TMPRSS13: variants seen among roughly 807,000 people sequenced by gnomAD.
The protein encoded by TMPRSS13 is transmembrane serine protease 13, also known as transmembrane protease serine 13.
In TMPRSS13, 50 loss-of-function variants were observed where a neutral mutation model predicts 68.4. That is an observed-to-expected ratio of 0.73 (90% CI 0.58 to 0.93). TMPRSS13 has a LOEUF of 0.93. Among genes scored for constraint, TMPRSS13 ranks in the 40% least tolerant of loss-of-function variants. The probability of loss-of-function intolerance (pLI) is 0.00; values close to 1 mark genes in which losing one functional copy is unlikely to be tolerated. For synonymous variants in TMPRSS13, 267 were observed against 285.8 expected (o/e 0.93, Z 0.66); for missense variants, 615 against 729.2 (o/e 0.84, Z 1.80).
chr11:117,919,540 G>A (rs931668725), intron 1 of TMPRSS13, among the ~76,000 whole-genome samples: 2 of 152,230 alleles, frequency 1.3e-5, no homozygotes, highest in East Asian at 3.9e-4. Context: ...TCCTGGCACT[G>A]TGGCACCTTC....
In TMPRSS13 at chr11:117,902,063, C is replaced by T; in HGVS notation, c.*176G>A. 2.9e-6 allele frequency: 2 copies of T among 681,742 alleles called. No individual in the cohort carries two copies. The highest frequency in any genetic ancestry group is 5.0e-6 in the Non-Finnish European group (2 of 403,210). 42.2% of individuals were successfully genotyped at this position (681,742 alleles called of 1,614,324 possible). A position where few individuals can be genotyped will look rare whatever the true frequency, so the allele number is the denominator to read the frequency against. On this transcript the variant is annotated 3_prime_UTR_variant, in exon 13 of 13. Transcript: ENST00000524993. ...TGAAAAACTTGGGAGAGTGGCAATG[C>T]ACACATATGCACACACACACACACA...
intron 1 of TMPRSS13, among the ~76,000 whole-genome samples, chr11:117,924,536 C>T (rs2057683347): frequency 6.6e-6 from 1 of 152,184 alleles, no homozygotes; most frequent in South Asian, 2.1e-4. Flanking sequence ...AAAAACCCCT[C>T]ACTAAACCCT....
At chr11:117,924,235 G>A (rs1232161886) in intron 1 of TMPRSS13, among the ~76,000 whole-genome samples, 1 of 50,246 alleles carries the variant, frequency 2.0e-5, no homozygotes, top group Admixed American at 2.3e-4. Context: ...CTATTGTTGA[G>A]GCGATGAAGG....
In TMPRSS13 at chr11:117,918,745, C is replaced by A. The variant is rs200462399; in HGVS notation, c.115G>T (p.Ala39Ser). 1.2e-6 allele frequency: 2 copies of A among 1,611,276 alleles called. No homozygotes were observed. The highest frequency in any genetic ancestry group is 8.5e-7 in the Non-Finnish European group (1 of 1,179,348). The change falls in exon 2 of 13, where the codon GCA (alanine) becomes TCA (serine). Residue 39 changes from alanine (A) to serine (S), a missense_variant. By Grantham distance (99) the Ala-to-Ser change is moderately conservative. Transcript: ENST00000524993. Reference sequence around the variant, plus strand: ...GCTGGAGATGCCTGGGCTGGAGATGCCTGGGCTGGAGATGCCCGGCCTGGA... The same window carrying A: ...GCTGGAGATGCCTGGGCTGGAGATGACTGGGCTGGAGATGCCCGGCCTGGA... ...TPPGRASPAQ[A>S]SPAQASPAGT... is the part of the protein sequence containing the mutation.
intron 1 of TMPRSS13, among the ~76,000 whole-genome samples, chr11:117,928,400 C>T (rs548330582): frequency 1.3e-5 from 2 of 152,308 alleles, no homozygotes; most frequent in Non-Finnish European, 2.9e-5. Context: ...GAATGGACCA[C>T]AAGCCAACTA....
chr11:117,903,683 A>C lies in TMPRSS13; in HGVS notation c.1649T>G (p.Val550Gly). 1 of 1,614,122 alleles carries C rather than the reference A, an allele frequency of 6.2e-7. No individual in the cohort carries two copies. The highest frequency in any genetic ancestry group is 8.5e-7 in the Non-Finnish European group (1 of 1,180,006). The change falls in exon 12 of 13, where the codon GTT (valine) becomes GGT (glycine). Residue 550 changes from valine (V) to glycine (G), a missense_variant. By Grantham distance (109) the Val-to-Gly change is moderately radical. Coordinates refer to ENST00000524993, the MANE Select transcript of TMPRSS13 (RefSeq NM_001077263.3). ...KPGVYTKVTE[V>G]LPWIYSKMES... is the part of the protein sequence containing the mutation. ...CATCTTGCTGTAAATCCAGGGAAGA[A>C]CTTCTGTCACTTTGGTGTACACACC...
intron 5 of TMPRSS13, among the ~76,000 whole-genome samples, chr11:117,912,575 T>C (rs1489742434): frequency 2.0e-5 from 3 of 152,238 alleles, no homozygotes; most frequent in African/African-American, 7.2e-5. Context: ...TTCTAGAACA[T>C]GGTACACCCC....
chr11:117,918,164 A>T (rs56703391), intron 2 of TMPRSS13, among the ~76,000 whole-genome samples: 33,923 of 151,968 alleles, frequency 0.22, 4,037 homozygotes, highest in African/African-American at 0.3. Context: ...CAGGGTGACA[A>T]GCTGCTTTGT....
At chr11:117,927,957 C>G (rs1283238333) in intron 1 of TMPRSS13, among the ~76,000 whole-genome samples, 4 of 152,236 alleles carry the variant, frequency 2.6e-5, no homozygotes, top group African/African-American at 9.6e-5. Context: ...CAGCAGCCTT[C>G]ATGTTGATCC....
intron 12 of TMPRSS13, chr11:117,903,041 A>AT (rs764450101): frequency 9.5e-7 from 1 of 1,051,456 alleles, no homozygotes; most frequent in Non-Finnish European, 1.1e-6. Flanking sequence ...AAAACATAAA[A>AT]TAACTTTTTA....
intron 11 of TMPRSS13, 55 bp downstream of exon 11, chr11:117,903,904 G>T: frequency 6.3e-7 from 1 of 1,598,260 alleles, no homozygotes. Context: ...CAACACCCCT[G>T]CCTCCCCCAT....
intron 10 of TMPRSS13, among the ~76,000 whole-genome samples, chr11:117,905,140 C>T (rs1035414896): frequency 2.6e-5 from 4 of 151,696 alleles, no homozygotes; most frequent in African/African-American, 7.3e-5. Context: ...AGAGATTCTC[C>T]CACCTTGGCC....
chr11:117,921,734 A>T (rs2134920303), intron 1 of TMPRSS13, among the ~76,000 whole-genome samples: 1 of 152,324 alleles, frequency 6.6e-6, no homozygotes, highest in Non-Finnish European at 1.5e-5. Flanking sequence ...GGGTAGAGCA[A>T]GTGCTCTGCT....
chr11:117,915,857 G>A lies in TMPRSS13; in HGVS notation c.556+1313C>T, dbSNP rs1033355607. Among the ~76,000 whole-genome samples the A allele has an allele frequency of 4.6e-5, 7 of 152,204 alleles. No individual in the cohort carries two copies. Among genetic ancestry groups the A allele is most frequent in the Non-Finnish European group, 1.0e-4 (7 of 68,030 alleles). ...AGCAGGGTGCCCTGTAGTGGGAAAGGGAGGGAGGGCAGGGCAGCAAGTCAC... is the reference window on the plus strand; with the variant it reads ...AGCAGGGTGCCCTGTAGTGGGAAAGAGAGGGAGGGCAGGGCAGCAAGTCAC... On this transcript the variant is annotated intron_variant, in intron 3 of 12. Coordinates refer to ENST00000524993, the MANE Select transcript of TMPRSS13 (RefSeq NM_001077263.3). This position sits in a 1 kb window ranked among gnomAD's most constrained non-coding sequence, Gnocchi z 4.9.
At chr11:117,903,452 C>G in intron 12 of TMPRSS13, 1 of 1,537,344 alleles carries the variant, frequency 6.5e-7, no homozygotes, top group Non-Finnish European at 8.7e-7. Flanking sequence ...CCGCTGAGCT[C>G]TGTTCTGAGG....
At chr11:117,910,010 C>T in intron 7 of TMPRSS13, 42 bp from the exon 8 acceptor site, 1 of 1,598,064 alleles carries the variant, frequency 6.3e-7, no homozygotes, top group Non-Finnish European at 8.6e-7. Flanking sequence ...CTGTTTCTCC[C>T]AGGGTTCTTT....
intron 10 of TMPRSS13, among the ~76,000 whole-genome samples, chr11:117,904,860 ATTATATATATATATATATATATAT>A (rs1194851152): frequency 7.6e-5 from 7 of 92,434 alleles, no homozygotes; most frequent in Admixed American, 6.9e-4. Context: ...CCTAGATAAG[ATTATATATATATATATATATATAT>A]ATATATATAT....
rs73591125 is a variant in TMPRSS13 at position 117,900,893 on chromosome 11, C to T, written c.*1346G>A. 0.033 allele frequency: 4,982 copies of T among 152,426 alleles called. 175 individuals carry two copies. Among genetic ancestry groups the T allele is most frequent in the African/African-American group, 0.08 (3,305 of 41,540 alleles). 9.4% of individuals were successfully genotyped at this position (152,426 alleles called of 1,614,324 possible). ...AGCACAGCACCACAAAAGACTCTGA[C>T]GGGCCCAAGGAAGGTGAGGGGAGCA... is the stretch of plus-strand genomic sequence containing the variant. On this transcript the variant is annotated 3_prime_UTR_variant, in exon 13 of 13. Coordinates refer to ENST00000524993, the MANE Select transcript of TMPRSS13 (RefSeq NM_001077263.3).
Position 117,904,861 on chromosome 11 carries a change from T to TTATATA in TMPRSS13, c.1382-766_1382-761dup, listed in dbSNP as rs58001868. Among the ~76,000 whole-genome samples, 905 of 100,010 alleles carry TTATATA rather than the reference T, an allele frequency of 9.0e-3. 16 individuals are homozygous for TTATATA. Among genetic ancestry groups the TTATATA allele is most frequent in the Non-Finnish European group, 0.012 (535 of 45,054 alleles). 65.6% of individuals were successfully genotyped at this position (100,010 alleles called of 152,430 possible). On this transcript the variant is annotated intron_variant, in intron 10 of 12. Transcript: ENST00000524993. The stretch of plus-strand genomic sequence containing the variant: ...TACCACTTAGAGCTCCTAGATAAGA[T>TTATATA]TATATATATATATATATATATATAT...
Sources: gnomAD v4.1 joint callset for allele counts (sites outside exome capture counted in the v4.1 genomes callset) on GRCh38, gnomAD v4.1.1 for gene constraint, Gnocchi (gnomAD v3.1) non-coding constraint, MANE v1.5 for transcripts, NCBI Gene and HGNC (gene_info 2026-07-23, HGNC 2026-07-21) for gene names.